Variants in MYT1L observed in about 807,000 individuals in gnomAD.
The protein encoded by MYT1L is myelin transcription factor 1 like.
In MYT1L, 12 loss-of-function variants were observed where a neutral mutation model predicts 126.7. That is an observed-to-expected ratio of 0.09 (90% CI 0.06 to 0.15). The LOEUF is 0.15. Among genes scored for constraint, MYT1L ranks in the 10% least tolerant of loss-of-function variants. The pLI is 1.00. For synonymous variants in MYT1L, 541 were observed against 604.2 expected (o/e 0.90, Z 1.53); for missense variants, 979 against 1,585.2 (o/e 0.62, Z 6.49).
chr2:2,299,272 T>A (rs2095748076), intron 1 of MYT1L, among the ~76,000 whole-genome samples: 1 of 152,226 alleles, frequency 6.6e-6, no homozygotes, highest in Non-Finnish European at 1.5e-5. Context: ...TATGTGGAGA[T>A]CCTGGCTCTA....
At chr2:2,154,901 C>T (rs924241528) in intron 3 of MYT1L, among the ~76,000 whole-genome samples, 4 of 152,048 alleles carry the variant, frequency 2.6e-5, no homozygotes, top group African/African-American at 9.7e-5. Flanking sequence ...CTGAGGCAGG[C>T]AAATCACCTG....
chr2:2,018,933 C>T (rs532884517), intron 4 of MYT1L, among the ~76,000 whole-genome samples: 13 of 152,222 alleles, frequency 8.5e-5, no homozygotes, highest in Non-Finnish European at 1.8e-4. Context: ...CTGGGGGAGC[C>T]GCTGATTTGT....
chr2:1,795,033 C>T (rs796731486), intron 23 of MYT1L, among the ~76,000 whole-genome samples: 11 of 152,294 alleles, frequency 7.2e-5, no homozygotes, highest in African/African-American at 2.6e-4. Context: ...CCCCCGTGGC[C>T]CCTGAATCTC....
At chr2:2,130,812 C>CT (rs1181188644) in intron 3 of MYT1L, among the ~76,000 whole-genome samples, 2 of 152,062 alleles carry the variant, frequency 1.3e-5, no homozygotes, top group Admixed American at 1.3e-4. Flanking sequence ...TAGCTTTTTT[C>CT]TTTGTGTGCT....
chr2:1,990,660 C>T (rs112372982), intron 5 of MYT1L, among the ~76,000 whole-genome samples: 2,145 of 152,268 alleles, frequency 0.014, 18 homozygotes, highest in Non-Finnish European at 0.017. Context: ...ACAGCACCCA[C>T]ATATTCCCAG....
At chr2:1,952,867 T>C in intron 8 of MYT1L, among the ~76,000 whole-genome samples, 2 of 70,980 alleles carry the variant, frequency 2.8e-5, no homozygotes, top group African/African-American at 7.6e-5. Flanking sequence ...CCTCCTTCTT[T>C]CCCTTCCCTC....
At chr2:1,932,803 G>A (rs557159021) in intron 9 of MYT1L, among the ~76,000 whole-genome samples, 3 of 152,306 alleles carry the variant, frequency 2.0e-5, no homozygotes, top group East Asian at 3.9e-4. Flanking sequence ...AGCTCCAGGA[G>A]CAGTGGAGCC....
rs575305980 is a variant in MYT1L at position 2,123,945 on chromosome 2, C to T, written c.-304+48927G>A. On this transcript the variant is annotated intron_variant, in intron 3 of 24. Coordinates refer to ENST00000647738, the MANE Select transcript of MYT1L (RefSeq NM_001303052.2). ...GCTGGACACTGGGAAGTACAGGGAACAGCCTCTCTTGGAGCCTCCAGGAAC... is the reference window on the plus strand; with the variant it reads ...GCTGGACACTGGGAAGTACAGGGAATAGCCTCTCTTGGAGCCTCCAGGAAC... Among the ~76,000 whole-genome samples the T allele has an allele frequency of 1.8e-4, 27 of 152,324 alleles. No homozygotes were observed. In the South Asian group the frequency reaches 5.4e-3, roughly 30 times the overall value.
At chr2:2,265,461 G>A (rs2095103477) in intron 2 of MYT1L, among the ~76,000 whole-genome samples, 1 of 152,098 alleles carries the variant, frequency 6.6e-6, no homozygotes. Flanking sequence ...TTTAATAAGT[G>A]CGAGTCCTTG....
rs56018033 is a variant in MYT1L, at chr2:1,811,762, G to C, written c.3081-2595C>G. 6.6e-6 allele frequency among the ~76,000 whole-genome samples: 1 copy of C among 152,082 alleles called. No individual in the cohort carries two copies. The highest frequency in any genetic ancestry group is 1.5e-5 in the Non-Finnish European group (1 of 68,026). The stretch of plus-strand genomic sequence containing the variant: ...GAACGAACCCCTCGCGTTCCGGAGG[G>C]AACAGGCTCCTCTTCAGTCCTCCCT... On this transcript the variant is annotated intron_variant, in intron 21 of 24. Coordinates refer to ENST00000647738, the MANE Select transcript of MYT1L (RefSeq NM_001303052.2). The surrounding 1 kb of genome is among the most constrained non-coding windows in gnomAD (Gnocchi z 4.4).
chr2:2,101,563 ATCAAC>A (rs1348729377), intron 3 of MYT1L, among the ~76,000 whole-genome samples: 2 of 151,758 alleles, frequency 1.3e-5, no homozygotes, highest in African/African-American at 4.8e-5. Flanking sequence ...CCATCCATCC[ATCAAC>A]TCATCTACCC....
chr2:2,077,127 T>C (rs2075313419), intron 3 of MYT1L, among the ~76,000 whole-genome samples: 1 of 151,790 alleles, frequency 6.6e-6, no homozygotes, highest in Non-Finnish European at 1.5e-5. Flanking sequence ...AACTTAAAAA[T>C]AGGTTAATAG....
At chr2:2,309,499 A>G (rs1192675631) in intron 1 of MYT1L, among the ~76,000 whole-genome samples, 1 of 151,704 alleles carries the variant, frequency 6.6e-6, no homozygotes, top group East Asian at 1.9e-4. Flanking sequence ...CTCAATCTAC[A>G]CTTTAGTACA....
chr2:1,874,188 C>T (rs2046595752), intron 18 of MYT1L, among the ~76,000 whole-genome samples: 1 of 126,356 alleles, frequency 7.9e-6, no homozygotes, highest in Non-Finnish European at 1.6e-5. Context: ...ACAGGAAACG[C>T]TCTTTTTTTT....
chr2:1,941,068 C>T (rs2056595124), intron 9 of MYT1L, among the ~76,000 whole-genome samples: 1 of 152,154 alleles, frequency 6.6e-6, no homozygotes, highest in South Asian at 2.1e-4. Flanking sequence ...ATAGACAAAC[C>T]CTATGCAGTC....
At chr2:2,094,564 C>T (rs2077230533) in intron 3 of MYT1L, among the ~76,000 whole-genome samples, 1 of 152,120 alleles carries the variant, frequency 6.6e-6, no homozygotes, top group Non-Finnish European at 1.5e-5. Flanking sequence ...AAATGTGGCA[C>T]ATATACACCA....
chr2:1,872,806 G>A (rs946907675), intron 18 of MYT1L, among the ~76,000 whole-genome samples: 4 of 152,178 alleles, frequency 2.6e-5, no homozygotes, highest in Admixed American at 2.6e-4. Flanking sequence ...TGCTTATACA[G>A]CTTATTTTGG....
intron 4 of MYT1L, among the ~76,000 whole-genome samples, chr2:2,043,306 T>C (rs1264798244): frequency 1.3e-5 from 2 of 152,146 alleles, no homozygotes; most frequent in African/African-American, 2.4e-5. Flanking sequence ...AGAAACCTTG[T>C]TCTAGTATAT....
At chr2:2,112,780 A>C (rs1471354841) in intron 3 of MYT1L, among the ~76,000 whole-genome samples, 1 of 152,218 alleles carries the variant, frequency 6.6e-6, no homozygotes, top group African/African-American at 2.4e-5. Context: ...TGGCCTCTCC[A>C]GTCTGTGTTG....
Sources: allele counts gnomAD v4.1 joint callset (sites outside exome capture counted in the v4.1 genomes callset), GRCh38; gene constraint gnomAD v4.1.1; non-coding constraint Gnocchi (gnomAD v3.1); transcripts MANE v1.5; gene names NCBI Gene and HGNC (gene_info 2026-07-23, HGNC 2026-07-21).